The following ELAPOR2 variants were observed in gnomAD, a reference collection of about 807,000 sequenced individuals.
ELAPOR2 encodes the protein endosome-lysosome associated apoptosis and autophagy regulator family member 2.
ELAPOR2 carries 89 observed loss-of-function variants against 120.7 expected under a neutral mutation model. That is an observed-to-expected ratio of 0.74 (90% CI 0.62 to 0.88). The LOEUF is 0.88. Among genes scored for constraint, ELAPOR2 ranks in the 40% least tolerant of loss-of-function variants. The pLI is 0.00. For missense variants in ELAPOR2, 1,134 were observed against 1,251.6 expected (o/e 0.91, Z 1.42); for synonymous variants, 444 against 444.9 (o/e 1.00, Z 0.03).
intron 3 of ELAPOR2, 127 bp downstream of exon 3, chr7:86,947,600 T>G: frequency 3.7e-6 from 3 of 816,172 alleles, no homozygotes; most frequent in East Asian, 5.4e-5. Flanking sequence ...AAAACATGAT[T>G]CTTTGCAATT....
At chr7:87,036,389 T>G (rs1468073263) in intron 1 of ELAPOR2, among the ~76,000 whole-genome samples, 1 of 152,046 alleles carries the variant, frequency 6.6e-6, no homozygotes, top group Admixed American at 6.6e-5. Flanking sequence ...GAGGCTGAGG[T>G]TGGAGGATCA....
At chr7:86,912,360 A>G (rs1476971605) in intron 14 of ELAPOR2, 115 bp from the exon 15 acceptor site, 1 of 575,444 alleles carries the variant, frequency 1.7e-6, no homozygotes, top group African/African-American at 1.8e-5. Flanking sequence ...AGTCTTAGCT[A>G]TAATATACTT....
At chr7:87,035,211 T>G (rs1176815708) in intron 1 of ELAPOR2, among the ~76,000 whole-genome samples, 1 of 152,118 alleles carries the variant, frequency 6.6e-6, no homozygotes, top group Non-Finnish European at 1.5e-5. Flanking sequence ...GCCCCTTAAA[T>G]CCAGCATAGT....
rs1345961757 is a variant in ELAPOR2, at chr7:86,913,147, C to T, written c.1789G>A (p.Val597Ile). 2.5e-6 allele frequency: 4 copies of T among 1,613,932 alleles called. No individual in the cohort carries two copies. In the Admixed American group the frequency reaches 5.0e-5, roughly 20 times the overall value. The part of the protein sequence containing the change: ...KIYSITATNA[V>I]DGVASSCRAC... ...CGGCATGAGGACGCCACCCCATCAA[C>T]TGCATTAGTGGCTGTGATAGAATAA... The change falls in exon 14 of 22, where the codon GTT becomes ATT. Residue 597 changes from valine to isoleucine, a missense_variant. Coordinates refer to ENST00000450689, the MANE Select transcript of ELAPOR2 (RefSeq NM_001142749.3).
At position 86,913,165 on chromosome 7, in the gene ELAPOR2, T is replaced by A; in HGVS notation, c.1771A>T (p.Ile591Phe). The stretch of plus-strand genomic sequence containing the variant: ...CCATCAACTGCATTAGTGGCTGTGA[T>A]AGAATAAATCTTCACCATGTCATTG... ...FINDMVKIYS[I>F]TATNAVDGVA... The change falls in exon 14 of 22, where the codon ATC becomes TTC. Residue 591 changes from isoleucine to phenylalanine, a missense_variant. This residue lies in a region of ELAPOR2 where 831 missense variants were observed against 867.6 expected (regional missense o/e 0.96). Coordinates refer to ENST00000450689, the MANE Select transcript of ELAPOR2 (RefSeq NM_001142749.3). 1 of 1,614,034 alleles carries A rather than the reference T, an allele frequency of 6.2e-7. No individual in the cohort carries two copies. The highest frequency in any genetic ancestry group is 8.5e-7 in the Non-Finnish European group (1 of 1,179,974).
At position 86,912,251 on chromosome 7, in the gene ELAPOR2, A is replaced by G; in HGVS notation, c.1996-6T>C. 6.4e-7 allele frequency: 1 copy of G among 1,569,538 alleles called. No individual in the cohort carries two copies. On this transcript the variant is annotated splice_polypyrimidine_tract_variant and splice_region_variant and intron_variant, in intron 14 of 21. Transcript: ENST00000450689. ...CTATAGCAAACCGAATGGTCCTTTG[A>G]TTAAAGATAAAGAAACAATATAGCA...
chr7:86,952,417 G>C (rs1437907156), intron 2 of ELAPOR2, among the ~76,000 whole-genome samples: 1 of 152,142 alleles, frequency 6.6e-6, no homozygotes, highest in African/African-American at 2.4e-5. Context: ...TGATTCCAAA[G>C]GTGGGGCCTC....
intron 12 of ELAPOR2, among the ~76,000 whole-genome samples, chr7:86,917,454 T>C (rs1459279080): frequency 4.6e-5 from 7 of 151,938 alleles, no homozygotes; most frequent in African/African-American, 1.7e-4. Flanking sequence ...GCAGTATAGA[T>C]GAAAGAGTAG....
At chr7:87,030,117 CA>C (rs1374243850) in intron 1 of ELAPOR2, among the ~76,000 whole-genome samples, 6 of 152,096 alleles carry the variant, frequency 3.9e-5, no homozygotes, top group Non-Finnish European at 8.8e-5. Flanking sequence ...CTGAAAATTT[CA>C]GGTTAAGGAT....
chr7:87,018,986 CAT>C (rs1029647944), intron 1 of ELAPOR2, among the ~76,000 whole-genome samples: 30 of 152,234 alleles, frequency 2.0e-4, no homozygotes, highest in African/African-American at 5.5e-4. Flanking sequence ...CTTGGAAAAA[CAT>C]GTGAGCAAGG....
At chr7:86,890,140 A>G (rs1788076974) in intron 21 of ELAPOR2, among the ~76,000 whole-genome samples, 1 of 151,908 alleles carries the variant, frequency 6.6e-6, no homozygotes, top group South Asian at 2.1e-4. Context: ...ATGGTATAAA[A>G]ATGAGGTTTG....
intron 1 of ELAPOR2, among the ~76,000 whole-genome samples, chr7:87,036,699 G>A (rs111971722): frequency 0.024 from 3,692 of 152,164 alleles, 171 homozygotes; most frequent in African/African-American, 0.085. Context: ...ACCAAATACC[G>A]TATGTTCTTA....
At chr7:87,046,362 T>C (rs1366575922) in intron 1 of ELAPOR2, among the ~76,000 whole-genome samples, 1 of 152,190 alleles carries the variant, frequency 6.6e-6, no homozygotes, top group East Asian at 1.9e-4. Context: ...TGTTTAAATG[T>C]CCATACTGCC....
At chr7:86,961,115 T>C (rs1218636755) in intron 2 of ELAPOR2, among the ~76,000 whole-genome samples, 1 of 152,206 alleles carries the variant, frequency 6.6e-6, no homozygotes, top group African/African-American at 2.4e-5. Flanking sequence ...TATACACTTC[T>C]ATATACATCT....
rs1441336267 is a variant in ELAPOR2 at position 86,877,604 on chromosome 7, G to GA, written c.*2866dup. The stretch of plus-strand genomic sequence containing the variant: ...TTATGTACACATTAGCCTCCCATTA[G>GA]AAATAACCATGTGCCACAGGAAGTA... On this transcript the variant is annotated 3_prime_UTR_variant, in exon 22 of 22. Coordinates refer to ENST00000450689, the MANE Select transcript of ELAPOR2 (RefSeq NM_001142749.3). 2 of 152,068 alleles carry GA rather than the reference G, an allele frequency of 1.3e-5. No individual in the cohort carries two copies. The highest frequency in any genetic ancestry group is 6.6e-5 in the Admixed American group (1 of 15,244). 9.4% of individuals were successfully genotyped at this position (152,068 alleles called of 1,614,324 possible).
At position 86,977,569 on chromosome 7, in the gene ELAPOR2, C is replaced by T. The variant is rs375911769; in HGVS notation, c.190-12545G>A. 2.0e-3 allele frequency among the ~76,000 whole-genome samples: 306 copies of T among 152,262 alleles called. 11 individuals carry two copies. The South Asian group carries it at 0.06, about 30-fold the overall frequency. ...ACCCTGTCTCCTGAGGAATCAATAACCTCAAAGTAAATTTTAAAATAATTC... is the reference window on the plus strand; with the variant it reads ...ACCCTGTCTCCTGAGGAATCAATAATCTCAAAGTAAATTTTAAAATAATTC... On this transcript the variant is annotated intron_variant, in intron 1 of 21. Transcript: ENST00000450689.
intron 10 of ELAPOR2, chr7:86,920,951 C>CA (rs1458063337): frequency 6.6e-6 from 1 of 152,256 alleles, no homozygotes. Flanking sequence ...CCTTGTCTTA[C>CA]TGTCCATTGT....
intron 21 of ELAPOR2, among the ~76,000 whole-genome samples, chr7:86,886,632 G>A (rs979528571): frequency 3.9e-5 from 6 of 152,060 alleles, no homozygotes; most frequent in Non-Finnish European, 8.8e-5. Flanking sequence ...TCCCATTTAT[G>A]GTCGCTCAAC....
intron 1 of ELAPOR2, among the ~76,000 whole-genome samples, chr7:86,998,916 G>A (rs910912867): frequency 1.9e-4 from 28 of 150,728 alleles, no homozygotes; most frequent in Non-Finnish European, 3.1e-4. Context: ...TCAAGCTATA[G>A]ATATAGGAAA....
Sources: gnomAD v4.1 joint callset for allele counts (sites outside exome capture counted in the v4.1 genomes callset) on GRCh38, gnomAD v4.1.1 for gene constraint, gnomAD v4.1.1 regional missense constraint, MANE v1.5 for transcripts, NCBI Gene and HGNC (gene_info 2026-07-23, HGNC 2026-07-21) for gene names.